INSRR: variants seen among roughly 807,000 people sequenced by gnomAD.
INSRR encodes the protein insulin receptor related receptor, also known as insulin receptor-related protein.
Under a neutral mutation model 130.0 loss-of-function variants are expected in INSRR, and 114 were observed. That is an observed-to-expected ratio of 0.88 (90% confidence interval 0.75 to 1.02). The LOEUF is 1.02. INSRR is among the 50% of genes least tolerant of loss of function. The probability of loss-of-function intolerance (pLI) is 0.00; values close to 1 mark genes in which losing one functional copy is unlikely to be tolerated. For synonymous variants in INSRR, 674 were observed against 705.2 expected, an observed-to-expected ratio of 0.96 and a Z score of 0.70; for missense variants, 1,657 against 1,735.2, an observed-to-expected ratio of 0.95 and a Z score of 0.80.
At position 156,845,300 on chromosome 1, in the gene INSRR, G is replaced by A. The variant is rs373192540; in HGVS notation, c.2217-4C>T. 1.5e-4 allele frequency: 243 copies of A among 1,612,692 alleles called. No homozygotes were observed. Among genetic ancestry groups the A allele is most frequent in the Non-Finnish European group, 2.0e-4 (234 of 1,179,372 alleles). On this transcript the variant is annotated splice_region_variant and splice_polypyrimidine_tract_variant and intron_variant, in intron 11 of 21. Transcript: ENST00000368195. ...CCGGCGGTGCCGCCCTGAGTCCCTG[G>A]GGAGAGCGAGTCAGAGCCAAGGCCC... is the stretch of plus-strand genomic sequence containing the variant.
In INSRR at chr1:156,845,162, C is replaced by T. The variant is rs1314258343; in HGVS notation, c.2351G>A (p.Arg784Gln). The part of the protein sequence containing the change: ...LSGLRHFTEY[R>Q]IDIHACNHAA... The stretch of plus-strand genomic sequence containing the variant: ...GTGGTTGCAGGCATGGATGTCGATC[C>T]GGTATTCCGTGAAGTGGCGCAGGCC... Residue 784 changes from arginine to glutamine, a missense_variant, in exon 12 of 22, where the codon CGG becomes CAG. Arg to Gln is a conservative substitution (Grantham distance 43). Transcript: ENST00000368195. The T allele has an allele frequency of 6.2e-7, 1 of 1,611,480 alleles. No individual in the cohort carries two copies. Among genetic ancestry groups the T allele is most frequent in the East Asian group, 2.2e-5 (1 of 44,774 alleles).
Position 156,844,206 on chromosome 1 carries a change from C to G in INSRR, c.2812G>C (p.Ala938Pro). ...TTGCCGTAGAAGAAACCAAGGGCAG[C>G]AAGAACGATGAGCAGCGTGAGCCCC... ...PVGLTLLIVL[A>P]ALGFFYGKKR... Residue 938 changes from alanine (A) to proline (P), a missense_variant, in exon 15 of 22, where the codon GCT becomes CCT. Physicochemically the swap from Ala to Pro is conservative, Grantham distance 27 (BLOSUM62 -1). Coordinates refer to ENST00000368195, the MANE Select transcript of INSRR (RefSeq NM_014215.3). 1 of 1,613,910 alleles carries G rather than the reference C, an allele frequency of 6.2e-7. No homozygotes were observed. Among genetic ancestry groups the G allele is most frequent in the Non-Finnish European group, 8.5e-7 (1 of 1,179,950 alleles).
In INSRR at chr1:156,840,819, G is replaced by T. The variant is rs1459611436; in HGVS notation, c.*54C>A. The T allele has an allele frequency of 7.3e-7, 1 of 1,375,762 alleles. No individual in the cohort carries two copies. The highest frequency in any genetic ancestry group is 2.4e-5 in the East Asian group (1 of 42,476). The allele number at this position is 1,375,762 out of a possible 1,614,324, so 85.2% of individuals were successfully genotyped here. A position where few individuals can be genotyped will look rare whatever the true frequency, so the allele number is the denominator to read the frequency against. Reference sequence around the variant, plus strand: ...ACATTCAGGCGTCTCAGCCACAGAGGTCGGGTCCCTTCCTGTCTCCCCATG... The same window carrying T: ...ACATTCAGGCGTCTCAGCCACAGAGTTCGGGTCCCTTCCTGTCTCCCCATG... On this transcript the variant is annotated 3_prime_UTR_variant, in exon 22 of 22. Transcript: ENST00000368195.
In INSRR at chr1:156,840,640, C is replaced by T. The variant is rs182820563; in HGVS notation, c.*233G>A. On this transcript the variant is annotated 3_prime_UTR_variant, in exon 22 of 22. Coordinates refer to ENST00000368195, the MANE Select transcript of INSRR (RefSeq NM_014215.3). ...ATCTCTCCCTGACCTGATCTCTACT[C>T]CTCTGGCTTTGACCCTGCTTGCTCT... 3 of 580,840 alleles carry T rather than the reference C, an allele frequency of 5.2e-6. No homozygotes were observed. The highest frequency in any genetic ancestry group is 1.9e-5 in the African/African-American group (1 of 53,552). The allele number at this position is 580,840 out of a possible 1,614,324, so 36.0% of individuals were successfully genotyped here. A position where few individuals can be genotyped will look rare whatever the true frequency, so the allele number is the denominator to read the frequency against.
At chr1:156,841,878 C>A (rs959852273) in intron 19 of INSRR, 84 bp from the exon 20 acceptor site, 36 of 1,607,158 alleles carry the variant, frequency 2.2e-5, no homozygotes, top group Non-Finnish European at 3.1e-5. Flanking sequence ...CTCTCCCAAT[C>A]TTCTCATCCT....
rs747625856 is a variant in INSRR, at chr1:156,845,666, G to C, written c.2127C>G (p.Phe709Leu). 5 of 1,610,626 alleles carry C rather than the reference G, an allele frequency of 3.1e-6. No individual in the cohort carries two copies. Among genetic ancestry groups the C allele is most frequent in the Non-Finnish European group, 4.2e-6 (5 of 1,178,992 alleles). Reference sequence around the variant, plus strand: ...GTAGAAAGTTTTCAAACTTCTTCTGGAACGAGGCCTCTTGCGCCTCCAGCG... The same window carrying C: ...GTAGAAAGTTTTCAAACTTCTTCTGCAACGAGGCCTCTTGCGCCTCCAGCG... ...LPPLEAQEAS[F>L]QKKFENFLHN... The change falls in exon 10 of 22, where the codon TTC becomes TTG. Residue 709 changes from phenylalanine to leucine, a missense_variant. Coordinates refer to ENST00000368195, the MANE Select transcript of INSRR (RefSeq NM_014215.3).
In INSRR at chr1:156,846,675, G is replaced by C. The variant is rs1292373298; in HGVS notation, c.1654C>G (p.Leu552Val). 1.9e-6 allele frequency: 3 copies of C among 1,614,066 alleles called. No homozygotes were observed. The highest frequency in any genetic ancestry group is 2.5e-6 in the Non-Finnish European group (3 of 1,180,042). Reference protein sequence around the residue: ...SWNLLDVELPLSRTQEPGVTL... With the variant: ...SWNLLDVELPVSRTQEPGVTL... ...ACCCCTGGCTCCTGGGTGCGGCTTA[G>C]GGGCAGCTCCACATCCAGCAGGTTC... is the stretch of plus-strand genomic sequence containing the variant. Residue 552 changes from leucine (L) to valine (V), a missense_variant, in exon 8 of 22, where the codon CTA becomes GTA. Transcript: ENST00000368195.
intron 7 of INSRR, 66 bp downstream of exon 7, chr1:156,848,855 T>C (rs11590051): frequency 0.19 from 291,061 of 1,519,428 alleles, 30,033 homozygotes; most frequent in Non-Finnish European, 0.21. Flanking sequence ...CTCACCTGCC[T>C]GTGGTCCCGA....
chr1:156,846,244 C>A, intron 8 of INSRR, 125 bp from the exon 9 acceptor site: 1 of 1,052,810 alleles, frequency 9.5e-7, no homozygotes, highest in Non-Finnish European at 1.3e-6. Flanking sequence ...ATCCTCACCC[C>A]TGGCTTCCTA....
At position 156,854,247 on chromosome 1, in the gene INSRR, A is replaced by G; in HGVS notation, c.142T>C (p.Cys48Arg). Residue 48 changes from cysteine (C) to arginine (R), a missense_variant, in exon 2 of 22, where the codon TGC becomes CGC. Transcript: ENST00000368195. The surrounding 1 kb of genome is among the most constrained non-coding windows in gnomAD (Gnocchi z 4.2). ...EVAELRQLEN[C>R]SVVEGHLQIL... The stretch of plus-strand genomic sequence containing the variant: ...TGCAGGTGGCCCTCCACCACGCTGC[A>G]GTTCTCCAGCTGACGAAGCTCTGCC... 5 of 1,613,878 alleles carry G rather than the reference A, an allele frequency of 3.1e-6. No individual in the cohort carries two copies. The highest frequency in any genetic ancestry group is 4.2e-6 in the Non-Finnish European group (5 of 1,180,014).
chr1:156,851,622 T>A, intron 4 of INSRR, 24 bp downstream of exon 4: 2 of 1,613,820 alleles, frequency 1.2e-6, no homozygotes, highest in Non-Finnish European at 1.7e-6. Context: ...GGAGGAGGGG[T>A]GTGGCCCCAA....
Position 156,841,764 on chromosome 1 carries a change from G to A in INSRR, c.3428C>T (p.Thr1143Ile). Residue 1143 changes from threonine to isoleucine, a missense_variant, in exon 20 of 22, where the codon ACA (threonine) becomes ATA (isoleucine). Thr to Ile is a moderately conservative substitution (Grantham distance 89, BLOSUM62 -1). Coordinates refer to ENST00000368195, the MANE Select transcript of INSRR (RefSeq NM_014215.3). ...CTTCCCACCCTTGCGGTAATAGTCT[G>A]TCTCATACACGTCCCGAGTCATCCC... is the stretch of plus-strand genomic sequence containing the variant. Reference protein sequence around the residue: ...DFGMTRDVYETDYYRKGGKGL... With the variant: ...DFGMTRDVYEIDYYRKGGKGL... 6.2e-7 allele frequency: 1 copy of A among 1,614,146 alleles called. No individual in the cohort carries two copies. Among genetic ancestry groups the A allele is most frequent in the Non-Finnish European group, 8.5e-7 (1 of 1,180,004 alleles).
In INSRR at chr1:156,840,634, T is replaced by C; in HGVS notation, c.*239A>G. 3.5e-6 allele frequency: 2 copies of C among 572,818 alleles called. No homozygotes were observed. The highest frequency in any genetic ancestry group is 5.9e-5 in the East Asian group (2 of 34,128). The allele number at this position is 572,818 out of a possible 1,614,324, so 35.5% of individuals were successfully genotyped here. On this transcript the variant is annotated 3_prime_UTR_variant, in exon 22 of 22. Transcript: ENST00000368195. ...CAGGACATCTCTCCCTGACCTGATC[T>C]CTACTCCTCTGGCTTTGACCCTGCT...
At chr1:156,845,492 A>G in intron 10 of INSRR, 79 bp from the exon 11 acceptor site, 2 of 1,506,066 alleles carry the variant, frequency 1.3e-6, no homozygotes, top group Non-Finnish European at 1.8e-6. Flanking sequence ...CGCCTCCAAA[A>G]GCACCCACAA....
intron 15 of INSRR, 27 bp downstream of exon 15, chr1:156,844,148 G>T: frequency 1.3e-6 from 2 of 1,526,586 alleles, no homozygotes. Flanking sequence ...AGAAAAGGGG[G>T]TGGGGACCGG....
In INSRR at chr1:156,846,743, G is replaced by C; in HGVS notation, c.1586C>G (p.Ala529Gly). ...VYYKESPFQN[A>G]TEHVGPDACG... ...AGCATCTGGACCCACGTGCTCTGTG[G>C]CGTTCTGGAATGGGCTGAACACCCA... The change falls in exon 8 of 22, where the codon GCC (alanine) becomes GGC (glycine). Residue 529 changes from alanine (A) to glycine (G), a missense_variant. Ala to Gly is a moderately conservative substitution (Grantham distance 60, BLOSUM62 0). Coordinates refer to ENST00000368195, the MANE Select transcript of INSRR (RefSeq NM_014215.3). The C allele has an allele frequency of 3.1e-6, 5 of 1,614,024 alleles. No individual in the cohort carries two copies. Among genetic ancestry groups the C allele is most frequent in the Non-Finnish European group, 4.2e-6 (5 of 1,179,992 alleles).
At chr1:156,842,073 C>A in intron 19 of INSRR, 39 bp downstream of exon 19, 2 of 1,612,258 alleles carry the variant, frequency 1.2e-6, no homozygotes, top group Non-Finnish European at 1.7e-6. Flanking sequence ...AGTCTCTCTA[C>A]TTTTCAGGCC....
chr1:156,846,223 A>G (rs1655003394), intron 8 of INSRR, 104 bp from the exon 9 acceptor site: 1 of 1,223,698 alleles, frequency 8.2e-7, no homozygotes, highest in Non-Finnish European at 1.1e-6. Flanking sequence ...TGTTCTCCCA[A>G]AGAATAGGTG....
In INSRR at chr1:156,851,955, T is replaced by C; in HGVS notation, c.874A>G (p.Thr292Ala). ...SLHSVPGRAS[T>A]FGIHQGSCLA... ...CAACTGCCCTGGTGTATGCCGAAGG[T>C]GGAGGCACGGCCGGGCACAGAGTGC... The change falls in exon 3 of 22, where the codon ACC (threonine) becomes GCC (alanine). Residue 292 changes from threonine (T) to alanine (A), a missense_variant. Physicochemically the swap from Thr to Ala is moderately conservative, Grantham distance 58. Coordinates refer to ENST00000368195, the MANE Select transcript of INSRR (RefSeq NM_014215.3). 1 of 1,606,748 alleles carries C rather than the reference T, an allele frequency of 6.2e-7. No individual in the cohort carries two copies. Among genetic ancestry groups the C allele is most frequent in the Non-Finnish European group, 8.5e-7 (1 of 1,174,252 alleles).
Sources: allele counts gnomAD v4.1 joint callset, GRCh38; gene constraint gnomAD v4.1.1; non-coding constraint Gnocchi (gnomAD v3.1); transcripts MANE v1.5; gene names NCBI Gene and HGNC (gene_info 2026-07-23, HGNC 2026-07-21).